Variants in SGCZ observed in about 807,000 individuals in gnomAD.
SGCZ encodes zeta-sarcoglycan.
Under a neutral mutation model 41.3 loss-of-function variants are expected in SGCZ, and 40 were observed. The observed-to-expected ratio is 0.97, with a 90% CI of 0.75 to 1.26. SGCZ has a LOEUF of 1.26. Ranked by LOEUF, SGCZ falls within the 50% of genes most tolerant of loss-of-function variation. The pLI is 0.00. For missense variants in SGCZ, 552 were observed against 369.8 expected (o/e 1.49, Z -4.04); for synonymous variants, 206 against 137.5 (o/e 1.50, Z -3.49).
At chr8:14,506,055 G>T (rs1802295684) in intron 2 of SGCZ, among the ~76,000 whole-genome samples, 2 of 150,860 alleles carry the variant, frequency 1.3e-5, no homozygotes, top group South Asian at 4.2e-4. Context: ...ACAATTTTCT[G>T]GGCCAGGTGC....
At chr8:14,638,768 G>C (rs1476623695) in intron 1 of SGCZ, among the ~76,000 whole-genome samples, 3 of 151,682 alleles carry the variant, frequency 2.0e-5, no homozygotes, top group East Asian at 3.9e-4. Context: ...AGATTGTAAT[G>C]GTTAGCTAAC....
intron 1 of SGCZ, among the ~76,000 whole-genome samples, chr8:15,083,187 A>C (rs1037122425): frequency 2.0e-5 from 3 of 152,232 alleles, no homozygotes; most frequent in African/African-American, 7.2e-5. Flanking sequence ...AGAGACCTAC[A>C]GATTATAAAC....
intron 1 of SGCZ, among the ~76,000 whole-genome samples, chr8:14,901,987 G>A (rs1798985826): frequency 6.6e-6 from 1 of 151,942 alleles, no homozygotes; most frequent in South Asian, 2.1e-4. Flanking sequence ...CTCACTAACT[G>A]GTATAACATA....
At chr8:14,785,693 G>A (rs752091870) in intron 1 of SGCZ, among the ~76,000 whole-genome samples, 2 of 152,120 alleles carry the variant, frequency 1.3e-5, no homozygotes, top group Non-Finnish European at 2.9e-5. Flanking sequence ...TTATACTACA[G>A]ACCATTTGTT....
intron 1 of SGCZ, among the ~76,000 whole-genome samples, chr8:15,192,606 C>T (rs1231999329): frequency 6.6e-6 from 1 of 152,132 alleles, no homozygotes; most frequent in Non-Finnish European, 1.5e-5. Flanking sequence ...TCCAAAGTCT[C>T]TTTCTGGTTT....
intron 5 of SGCZ, among the ~76,000 whole-genome samples, chr8:14,121,192 A>G (rs1289932143): frequency 6.6e-6 from 1 of 152,070 alleles, no homozygotes; most frequent in Non-Finnish European, 1.5e-5. Context: ...ATTTAGTATT[A>G]ACATATATTC....
chr8:14,551,446 ATATATATATTATATATAT>A (rs1440455642), intron 2 of SGCZ, among the ~76,000 whole-genome samples: 1 of 23,848 alleles, frequency 4.2e-5, no homozygotes, highest in Non-Finnish European at 8.2e-5. Context: ...CAACTATTTC[ATATATATATTATATATAT>A]TATATATATT....
At chr8:14,978,794 A>G (rs1270740164) in intron 1 of SGCZ, among the ~76,000 whole-genome samples, 1 of 124,884 alleles carries the variant, frequency 8.0e-6, no homozygotes, top group Non-Finnish European at 1.9e-5. Context: ...CAGAGTTTAC[A>G]ATTTTTTGTT....
intron 1 of SGCZ, among the ~76,000 whole-genome samples, chr8:14,744,714 T>C (rs1510459): frequency 1 from 151,707 of 152,230 alleles, 75,597 homozygotes; most frequent in Middle Eastern, 1. Context: ...GGGAATCTGA[T>C]TTCCCTGGTT....
At chr8:14,615,280 C>A (rs548722679) in intron 1 of SGCZ, among the ~76,000 whole-genome samples, 1 of 152,224 alleles carries the variant, frequency 6.6e-6, no homozygotes, top group Admixed American at 6.5e-5. Flanking sequence ...AGCAAACAGC[C>A]AGATTTCAGC....
intron 2 of SGCZ, among the ~76,000 whole-genome samples, chr8:14,489,646 A>G (rs2117025552): frequency 6.6e-6 from 1 of 152,224 alleles, no homozygotes; most frequent in African/African-American, 2.4e-5. Flanking sequence ...ACTAGAAAAA[A>G]GACTTGAAAT....
chr8:14,890,808 G>C (rs765219569), intron 1 of SGCZ, among the ~76,000 whole-genome samples: 3 of 152,176 alleles, frequency 2.0e-5, no homozygotes, highest in Non-Finnish European at 2.9e-5. Context: ...TATCTTGTTA[G>C]GTATTCATGC....
In SGCZ at chr8:14,772,238, G is replaced by A. The variant is rs1800264571; in HGVS notation, c.40-217312C>T. Among the ~76,000 whole-genome samples, 4 of 152,106 alleles carry A rather than the reference G, an allele frequency of 2.6e-5. No individual in the cohort carries two copies. In the South Asian group the frequency reaches 8.3e-4, roughly 32 times the overall value. On this transcript the variant is annotated intron_variant, in intron 1 of 7. Coordinates refer to ENST00000382080, the MANE Select transcript of SGCZ (RefSeq NM_139167.4). ...AGCTAAAATGTTTGAGATGTATAAT[G>A]AGATGTATTAAATGCATTTAAACTT...
intron 2 of SGCZ, among the ~76,000 whole-genome samples, chr8:14,366,566 A>T (rs1196931247): frequency 6.6e-6 from 1 of 152,018 alleles, no homozygotes; most frequent in African/African-American, 2.4e-5. Flanking sequence ...ATATCCTCAC[A>T]TTTCAAAACC....
chr8:15,004,813 C>G (rs1372924534), intron 1 of SGCZ, among the ~76,000 whole-genome samples: 3 of 152,278 alleles, frequency 2.0e-5, no homozygotes, highest in African/African-American at 7.2e-5. Flanking sequence ...AAAAGTTTTT[C>G]TGACTCAACA....
At chr8:14,141,943 T>G (rs952741452) in intron 5 of SGCZ, among the ~76,000 whole-genome samples, 4 of 152,178 alleles carry the variant, frequency 2.6e-5, no homozygotes, top group African/African-American at 9.7e-5. Context: ...TAGACTGGAT[T>G]AAGAAAATGT....
intron 1 of SGCZ, among the ~76,000 whole-genome samples, chr8:15,152,591 A>G (rs1266164525): frequency 6.6e-6 from 1 of 152,214 alleles, no homozygotes; most frequent in Non-Finnish European, 1.5e-5. Context: ...CTTTTCAGCA[A>G]CTTGAGAAAA....
chr8:15,083,170 G>A (rs1805817814), intron 1 of SGCZ, among the ~76,000 whole-genome samples: 3 of 152,164 alleles, frequency 2.0e-5, no homozygotes, highest in African/African-American at 7.2e-5. Flanking sequence ...ATTGTAAAAT[G>A]AAACTAAGAG....
rs193188029 is a variant in SGCZ, at chr8:15,039,495, A to C, written c.39+198090T>G. Reference sequence around the variant, plus strand: ...TCAGTGGGTGGGGTTGGGAAAATCAAAGGATGCAAAATGTCAGTTACAGAG... The same window carrying C: ...TCAGTGGGTGGGGTTGGGAAAATCACAGGATGCAAAATGTCAGTTACAGAG... On this transcript the variant is annotated intron_variant, in intron 1 of 7. Transcript: ENST00000382080. Among the ~76,000 whole-genome samples the C allele has an allele frequency of 3.9e-5, 6 of 152,314 alleles. No individual in the cohort carries two copies. The East Asian group carries it at 1.2e-3, about 29-fold the overall frequency.
Sources: gnomAD v4.1 joint callset for allele counts (sites outside exome capture counted in the v4.1 genomes callset) on GRCh38, gnomAD v4.1.1 for gene constraint, MANE v1.5 for transcripts, NCBI Gene and HGNC (gene_info 2026-07-23, HGNC 2026-07-21) for gene names.